The following GPR161 variants were observed in gnomAD, a reference collection of about 807,000 sequenced individuals.
GPR161 encodes G protein-coupled receptor 161.
A neutral mutation model predicts 39.2 loss-of-function variants in GPR161; 25 were observed. That is an observed-to-expected ratio of 0.64 (90% confidence interval 0.47 to 0.89). The LOEUF (loss-of-function observed/expected upper bound fraction) is 0.89. Among genes scored for constraint, GPR161 ranks in the 40% least tolerant of loss-of-function variants. GPR161 has a pLI of 0.00. For missense variants in GPR161, 547 were observed against 677.8 expected, an observed-to-expected ratio of 0.81 and a Z score of 2.14; for synonymous variants, 286 against 276.6, an observed-to-expected ratio of 1.03 and a Z score of -0.34.
In GPR161 at chr1:168,136,722, C is replaced by T. The variant is rs1404803627; in HGVS notation, c.-45+17G>A. The T allele has an allele frequency of 9.7e-7, 1 of 1,027,106 alleles. No individual in the cohort carries two copies. Among genetic ancestry groups the T allele is most frequent in the Non-Finnish European group, 1.2e-6 (1 of 857,756 alleles). 63.6% of individuals were successfully genotyped at this position (1,027,106 alleles called of 1,614,324 possible). A position where few individuals can be genotyped will look rare whatever the true frequency, so the allele number is the denominator to read the frequency against. On this transcript the variant is annotated intron_variant, in intron 1 of 5. Transcript: ENST00000682931. ...CTCCGCCCGGGCCCGCGCCCGCGCC[C>T]CACGCCGGGTGCTCACCGAGGAGCG...
chr1:168,115,314 T>A (rs565296873), intron 1 of GPR161, among the ~76,000 whole-genome samples: 1 of 152,320 alleles, frequency 6.6e-6, no homozygotes, highest in South Asian at 2.1e-4. Context: ...TTCTGATTTA[T>A]CATGATCTAT....
chr1:168,114,644 A>G (rs187444515), intron 1 of GPR161: 1 of 151,988 alleles, frequency 6.6e-6, no homozygotes, highest in Admixed American at 6.5e-5. Context: ...ACGCCTAAGT[A>G]AAAGGGTTGC....
At chr1:168,095,515 CTGGG>C (rs1197132101) in intron 3 of GPR161, among the ~76,000 whole-genome samples, 2 of 152,182 alleles carry the variant, frequency 1.3e-5, no homozygotes, top group East Asian at 3.8e-4. Context: ...AGTAATTCCA[CTGGG>C]TCCCATCAAA....
chr1:168,136,694 C>T (rs1699405923), intron 1 of GPR161, 45 bp downstream of exon 1: 1 of 1,087,186 alleles, frequency 9.2e-7, no homozygotes, highest in African/African-American at 1.6e-5. Flanking sequence ...TCCGGACCGC[C>T]CTCTCCGCCC....
In GPR161 at chr1:168,098,331, C is replaced by A. The variant is rs762132864; in HGVS notation, c.375-1099G>T. On this transcript the variant is annotated intron_variant, in intron 2 of 5. Transcript: ENST00000682931. The surrounding 1 kb of genome is among the most constrained non-coding windows in gnomAD (Gnocchi z 4.1). ...CATGCAGAGCTAAGGACTGTAGGCC[C>A]AGCTAAGGACTGGCCCTTTAACTGG... Among the ~76,000 whole-genome samples the A allele has an allele frequency of 4.6e-5, 7 of 152,192 alleles. No homozygotes were observed. Among genetic ancestry groups the A allele is most frequent in the Non-Finnish European group, 1.0e-4 (7 of 68,036 alleles).
At chr1:168,114,955 C>T (rs1697502080) in intron 1 of GPR161, among the ~76,000 whole-genome samples, 1 of 152,058 alleles carries the variant, frequency 6.6e-6, no homozygotes, top group Non-Finnish European at 1.5e-5. Flanking sequence ...ACTGATGGGG[C>T]TAGGGATGCT....
rs994381411 is a variant in GPR161, at chr1:168,096,568, C to T, written c.1039G>A (p.Glu347Lys). The change falls in exon 3 of 6, where the codon GAA becomes AAA. Residue 347 changes from glutamate to lysine, a missense_variant. Glu to Lys is a moderately conservative substitution (Grantham distance 56). Transcript: ENST00000682931. ...GTCCTCTGTCGTTGCACAAATGGTT[C>T]CCGATAATACCGGTCCCCAAAGCAC... is the stretch of plus-strand genomic sequence containing the variant. ...GMCFGDRYYR[E>K]PFVQRQRTSR... is the part of the protein sequence containing the mutation. 1.2e-6 allele frequency: 2 copies of T among 1,614,050 alleles called. No individual in the cohort carries two copies. The highest frequency in any genetic ancestry group is 1.3e-5 in the African/African-American group (1 of 74,934).
In GPR161 at chr1:168,104,623, C is replaced by G. The variant is rs764629478; in HGVS notation, c.228G>C (p.Leu76=). The stretch of plus-strand genomic sequence containing the variant: ...CCACAAAAGGCAGCACCAACACGGA[C>G]AGCAGGAAGTTGGACAGAGTCAGGC... ...VFSLTLSNFL[L]SVLVLPFVVT... The change falls in exon 2 of 6, where the codon CTG becomes CTC. Residue 76 remains leucine, a synonymous_variant. Transcript: ENST00000682931. 5 of 1,614,104 alleles carry G rather than the reference C, an allele frequency of 3.1e-6. No homozygotes were observed. In the Middle Eastern group the frequency reaches 6.6e-4, roughly 213 times the overall value.
intron 4 of GPR161, 116 bp from the exon 5 acceptor site, chr1:168,087,820 A>C: frequency 1.8e-6 from 2 of 1,082,854 alleles, no homozygotes; most frequent in Non-Finnish European, 2.6e-6. Context: ...ACCCATCATC[A>C]AGTGGAGCTG....
chr1:168,086,771 C>T (rs1276698395), intron 5 of GPR161, among the ~76,000 whole-genome samples: 2 of 152,206 alleles, frequency 1.3e-5, no homozygotes, highest in Admixed American at 6.5e-5. Context: ...ATCTGCTTTG[C>T]CAGTGAAGCG....
In GPR161 at chr1:168,082,175, A is replaced by G. The variant is rs1319506917; in HGVS notation, c.*3356T>C. On this transcript the variant is annotated 3_prime_UTR_variant, in exon 6 of 6. Coordinates refer to ENST00000682931, the MANE Select transcript of GPR161 (RefSeq NM_001375883.1). ...TAGCTCCTCAAATAAGAATCAAGGA[A>G]CATTGGCACTAGATGGCCCTTGTCT... 1.3e-5 allele frequency: 2 copies of G among 152,234 alleles called. No individual in the cohort carries two copies. Among genetic ancestry groups the G allele is most frequent in the African/African-American group, 4.8e-5 (2 of 41,442 alleles). 9.4% of individuals were successfully genotyped at this position (152,234 alleles called of 1,614,324 possible).
Position 168,080,077 on chromosome 1 carries a change from C to T in GPR161, c.*5454G>A, listed in dbSNP as rs1693958659. 6.6e-6 allele frequency: 1 copy of T among 152,100 alleles called. No individual in the cohort carries two copies. The highest frequency in any genetic ancestry group is 6.6e-5 in the Admixed American group (1 of 15,266). The allele number at this position is 152,100 out of a possible 1,614,324, so 9.4% of individuals were successfully genotyped here. On this transcript the variant is annotated 3_prime_UTR_variant, in exon 6 of 6. Transcript: ENST00000682931. ...ATTTGAGTTTGTGCTTTGATGTTTT[C>T]AAAGGAATCTTCAAGGTATTGGAAA...
At position 168,085,268 on chromosome 1, in the gene GPR161, T is replaced by G. The variant is rs1398293972; in HGVS notation, c.*263A>C. 1.5e-5 allele frequency: 6 copies of G among 404,800 alleles called. No individual in the cohort carries two copies. Among genetic ancestry groups the G allele is most frequent in the Middle Eastern group, 3.5e-4 (1 of 2,868 alleles). 25.1% of individuals were successfully genotyped at this position (404,800 alleles called of 1,614,324 possible). A position where few individuals can be genotyped will look rare whatever the true frequency, so the allele number is the denominator to read the frequency against. On this transcript the variant is annotated 3_prime_UTR_variant, in exon 6 of 6. Transcript: ENST00000682931. ...GCCACATCTCTAGATTTTTTTTTGGTTTTTTTTTTGCTTTAGATGCTTCTG... is the reference window on the plus strand; with the variant it reads ...GCCACATCTCTAGATTTTTTTTTGGGTTTTTTTTTGCTTTAGATGCTTCTG...
upstream of GPR161, chr1:168,137,433 C>T (rs73030231): frequency 1.1e-4 from 171 of 1,513,614 alleles, no homozygotes; most frequent in African/African-American, 2.2e-3. Context: ...CATCTGCCTT[C>T]TGCCAGGCTC....
At position 168,087,626 on chromosome 1, in the gene GPR161, C is replaced by T. The variant is rs1409442404; in HGVS notation, c.1283G>A (p.Arg428Lys). ...PSHCTCPPKRRSSVTFEDEVE... is the reference protein window; with the variant it reads ...PSHCTCPPKRKSSVTFEDEVE... ...TTCATCCTCAAATGTCACCGAGCTC[C>T]TTCTCTTGGGTGGGCAAGTGCAGTG... Residue 428 changes from arginine (R) to lysine (K), a missense_variant, in exon 5 of 6, where the codon AGG becomes AAG. Arg to Lys is a conservative substitution (Grantham distance 26, BLOSUM62 2). Transcript: ENST00000682931. The T allele has an allele frequency of 1.2e-6, 2 of 1,614,184 alleles. 1 individual carries two copies. The highest frequency in any genetic ancestry group is 1.7e-6 in the Non-Finnish European group (2 of 1,180,026).
chr1:168,087,504 G>T, intron 5 of GPR161, 81 bp downstream of exon 5: 1 of 1,522,538 alleles, frequency 6.6e-7, no homozygotes, highest in Non-Finnish European at 9.1e-7. Flanking sequence ...CGGGATGGGA[G>T]CCAGCCTGAG....
At position 168,084,268 on chromosome 1, in the gene GPR161, G is replaced by A. The variant is rs114948891; in HGVS notation, c.*1263C>T. The stretch of plus-strand genomic sequence containing the variant: ...CTTGATCTGCCTGCACTTCACATGT[G>A]CATGAGCAACCACACTCCAAAGTTA... On this transcript the variant is annotated 3_prime_UTR_variant, in exon 6 of 6. Coordinates refer to ENST00000682931, the MANE Select transcript of GPR161 (RefSeq NM_001375883.1). 3.3e-3 allele frequency: 566 copies of A among 169,530 alleles called. 1 individual carries two copies. Among genetic ancestry groups the A allele is most frequent in the African/African-American group, 0.013 (530 of 41,616 alleles). The allele number at this position is 169,530 out of a possible 1,614,324, so 10.5% of individuals were successfully genotyped here.
At chr1:168,131,286 C>T (rs1355517752) in intron 1 of GPR161, among the ~76,000 whole-genome samples, 1 of 151,926 alleles carries the variant, frequency 6.6e-6, no homozygotes, top group East Asian at 1.9e-4. Flanking sequence ...CACAGCCAGA[C>T]CATTTCATGC....
rs559677159 is a variant in GPR161 at position 168,082,596 on chromosome 1, G to A, written c.*2935C>T. ...GCATAGCACAGGGACCCAATAAGGC[G>A]GAAATCTCAATGAAAGAGGCAGAGG... On this transcript the variant is annotated 3_prime_UTR_variant, in exon 6 of 6. Coordinates refer to ENST00000682931, the MANE Select transcript of GPR161 (RefSeq NM_001375883.1). 5.2e-5 allele frequency: 8 copies of A among 152,384 alleles called. No homozygotes were observed. The East Asian group carries it at 5.8e-4, about 11-fold the overall frequency. 9.4% of individuals were successfully genotyped at this position (152,384 alleles called of 1,614,324 possible).
Sources: allele counts gnomAD v4.1 joint callset (sites outside exome capture counted in the v4.1 genomes callset), GRCh38; gene constraint gnomAD v4.1.1; non-coding constraint Gnocchi (gnomAD v3.1); transcripts MANE v1.5; gene names NCBI Gene and HGNC (gene_info 2026-07-23, HGNC 2026-07-21).